The following TPD52L1 variants were observed in gnomAD, a reference collection of about 807,000 sequenced individuals.
TPD52L1 encodes the protein TPD52 like 1.
TPD52L1 carries 18 observed loss-of-function variants against 28.7 expected under a neutral mutation model. That is an observed-to-expected ratio of 0.63 (90% confidence interval 0.43 to 0.93). The LOEUF is 0.93. Ranked by LOEUF, TPD52L1 falls within the 40% of genes least tolerant of loss-of-function variation. TPD52L1 has a pLI of 0.00. For missense variants in TPD52L1, 203 were observed against 254.8 expected (o/e 0.80, Z 1.39); for synonymous variants, 75 against 88.8 (o/e 0.84, Z 0.88).
intron 1 of TPD52L1, among the ~76,000 whole-genome samples, chr6:125,190,010 C>T (rs1367469360): frequency 6.6e-6 from 1 of 152,042 alleles, no homozygotes; most frequent in African/African-American, 2.4e-5. Flanking sequence ...CTAGAATTCT[C>T]TACCAACATT....
intron 1 of TPD52L1, among the ~76,000 whole-genome samples, chr6:125,160,674 A>G (rs67513052): frequency 0.061 from 9,338 of 152,234 alleles, 457 homozygotes; most frequent in African/African-American, 0.14. Context: ...CTCTCTAGCT[A>G]TAAAAGTCCT....
intron 1 of TPD52L1, chr6:125,208,881 A>G (rs1794331587): frequency 2.0e-6 from 2 of 985,050 alleles, no homozygotes; most frequent in African/African-American, 3.5e-5. Flanking sequence ...ACACCAGTGA[A>G]GAGAACCTTT....
chr6:125,220,609 T>A (rs937578839), intron 2 of TPD52L1, among the ~76,000 whole-genome samples: 1 of 152,222 alleles, frequency 6.6e-6, no homozygotes, highest in African/African-American at 2.4e-5. Context: ...TTGAAATGAT[T>A]TTTTTAAATG....
At chr6:125,250,972 ATTTCTCTCAAACT>A (rs1323223798) in intron 4 of TPD52L1, among the ~76,000 whole-genome samples, 5 of 152,206 alleles carry the variant, frequency 3.3e-5, no homozygotes, top group Non-Finnish European at 7.3e-5. Context: ...TTATGTGTAT[ATTTCTCTCAAACT>A]ATATCTAACA....
chr6:125,180,780 G>T (rs1056527101), intron 1 of TPD52L1, among the ~76,000 whole-genome samples: 1 of 152,144 alleles, frequency 6.6e-6, no homozygotes, highest in African/African-American at 2.4e-5. Flanking sequence ...TATGAAAAAT[G>T]TTTTCTATTT....
intron 6 of TPD52L1, among the ~76,000 whole-genome samples, chr6:125,257,930 A>G (rs1797698683): frequency 6.6e-6 from 1 of 152,176 alleles, no homozygotes; most frequent in Admixed American, 6.5e-5. Flanking sequence ...TCTATTTTGT[A>G]TACAATCCAT....
rs1345029476 is a variant in TPD52L1, at chr6:125,257,118, C to T, written c.446C>T (p.Ser149Leu). ...TTTAGGAATTCTCCTACTTTCAAAT[C>T]ATTTGAGGAGAGGGTTGAGACAACT... ...PAMRNSPTFK[S>L]FEERVETTVT... The change falls in exon 6 of 7, where the codon TCA becomes TTA. Residue 149 changes from serine (S) to leucine (L), a missense_variant. Coordinates refer to ENST00000534000, the MANE Select transcript of TPD52L1 (RefSeq NM_003287.4). 8.1e-6 allele frequency: 13 copies of T among 1,611,634 alleles called. No homozygotes were observed. The highest frequency in any genetic ancestry group is 1.3e-5 in the African/African-American group (1 of 74,882).
At chr6:125,167,291 A>C (rs1790978710) in intron 1 of TPD52L1, among the ~76,000 whole-genome samples, 1 of 152,052 alleles carries the variant, frequency 6.6e-6, no homozygotes, top group South Asian at 2.1e-4. Flanking sequence ...TCTTATGGCA[A>C]AGTGGCATAT....
chr6:125,204,113 C>G (rs1793961267), intron 1 of TPD52L1, among the ~76,000 whole-genome samples: 1 of 152,154 alleles, frequency 6.6e-6, no homozygotes, highest in South Asian at 2.1e-4. Flanking sequence ...CTAGTGTTAC[C>G]TGCAATGTAA....
chr6:125,205,786 T>C (rs1794085947), intron 1 of TPD52L1, among the ~76,000 whole-genome samples: 1 of 152,196 alleles, frequency 6.6e-6, no homozygotes. Flanking sequence ...ATATTTTTCC[T>C]GGCAGTCAGA....
intron 2 of TPD52L1, among the ~76,000 whole-genome samples, chr6:125,226,541 G>A (rs959451953): frequency 2.0e-5 from 3 of 151,942 alleles, no homozygotes; most frequent in African/African-American, 7.3e-5. Context: ...ATGGCTATGA[G>A]GTTGAGAATA....
chr6:125,195,578 G>A (rs184351887), intron 1 of TPD52L1, among the ~76,000 whole-genome samples: 4 of 151,142 alleles, frequency 2.6e-5, no homozygotes, highest in Non-Finnish European at 4.4e-5. Flanking sequence ...AGGCACTTAC[G>A]TGAAATTCTC....
Position 125,263,109 on chromosome 6 carries a change from A to G in TPD52L1, c.*147A>G. The G allele has an allele frequency of 1.1e-6, 1 of 944,054 alleles. No individual in the cohort carries two copies. Among genetic ancestry groups the G allele is most frequent in the Non-Finnish European group, 1.5e-6 (1 of 657,072 alleles). 58.5% of individuals were successfully genotyped at this position (944,054 alleles called of 1,614,324 possible). A position where few individuals can be genotyped will look rare whatever the true frequency, so the allele number is the denominator to read the frequency against. On this transcript the variant is annotated 3_prime_UTR_variant, in exon 7 of 7. Transcript: ENST00000534000. ...TCAAATGGCCCCTCCAGAAAGTTTA[A>G]TGATTTCCATTTGTATTTGTGTTGA...
At chr6:125,254,825 A>G (rs1252144175) in intron 5 of TPD52L1, among the ~76,000 whole-genome samples, 2 of 152,238 alleles carry the variant, frequency 1.3e-5, no homozygotes, top group East Asian at 1.9e-4. Flanking sequence ...AAATCTGATT[A>G]AAGAGCTTCT....
chr6:125,194,528 T>C (rs765255657), intron 1 of TPD52L1, among the ~76,000 whole-genome samples: 9 of 152,368 alleles, frequency 5.9e-5, no homozygotes, highest in South Asian at 2.1e-4. Flanking sequence ...TATTTCATAC[T>C]ATCCTTAGGT....
chr6:125,161,742 C>G (rs1187035070), intron 1 of TPD52L1, among the ~76,000 whole-genome samples: 2 of 152,282 alleles, frequency 1.3e-5, no homozygotes, highest in African/African-American at 4.8e-5. Flanking sequence ...TTCTCCAAAA[C>G]AATTCTGATG....
At chr6:125,239,599 T>G (rs1451596465) in intron 3 of TPD52L1, among the ~76,000 whole-genome samples, 1 of 152,194 alleles carries the variant, frequency 6.6e-6, no homozygotes, top group Non-Finnish European at 1.5e-5. Context: ...GTAGAACTTA[T>G]GGGAGCTACA....
intron 4 of TPD52L1, chr6:125,253,000 C>G (rs968638277): frequency 1.3e-5 from 2 of 152,212 alleles, no homozygotes; most frequent in African/African-American, 4.8e-5. Flanking sequence ...CCTCCCCATG[C>G]CCAGCCTGAT....
rs146174944 is a variant in TPD52L1 at position 125,168,462 on chromosome 6, C to A, written c.19+14492C>A. ...GGATCCTCTCTTCTCAGTCCCCTCT[C>A]CTCTCAAATGGTGTCCTACACCTGC... On this transcript the variant is annotated intron_variant, in intron 1 of 6. Coordinates refer to ENST00000534000, the MANE Select transcript of TPD52L1 (RefSeq NM_003287.4). Among the ~76,000 whole-genome samples, 621 of 152,208 alleles carry A rather than the reference C, an allele frequency of 4.1e-3. 3 individuals are homozygous for A. Among genetic ancestry groups the A allele is most frequent in the Middle Eastern group, 6.8e-3 (2 of 292 alleles).
Sources: gnomAD v4.1 joint callset for allele counts (sites outside exome capture counted in the v4.1 genomes callset) on GRCh38, gnomAD v4.1.1 for gene constraint, MANE v1.5 for transcripts, NCBI Gene and HGNC (gene_info 2026-07-23, HGNC 2026-07-21) for gene names.